Variants in CLN5 observed in about 807,000 individuals in gnomAD.
CLN5 encodes bis(monoacylglycero)phosphate synthase CLN5.
CLN5 carries 34 observed loss-of-function variants against 36.7 expected under a neutral mutation model. The ratio of observed to expected loss-of-function variants is 0.93; its 90% confidence interval spans 0.71 to 1.23. The LOEUF is 1.23. Among genes scored for constraint, CLN5 ranks in the 50% most tolerant of loss-of-function variants. The pLI is 0.00. For synonymous variants in CLN5, 151 were observed against 155.1 expected, an observed-to-expected ratio of 0.97 and a Z score of 0.20; for missense variants, 427 against 439.4, an observed-to-expected ratio of 0.97 and a Z score of 0.25.
Position 76,996,121 on chromosome 13 carries a change from A to G in CLN5, c.559A>G (p.Ile187Val). The G allele has an allele frequency of 3.1e-6, 5 of 1,611,986 alleles. No individual in the cohort carries two copies. The highest frequency in any genetic ancestry group is 4.2e-6 in the Non-Finnish European group (5 of 1,178,014). ...ENGTLVQVAT[I>V]SGNMFNQMAK... The stretch of plus-strand genomic sequence containing the variant: ...TGGGACATTAGTTCAAGTAGCAACT[A>G]TATCAGGTAAGTTGTGAAAATATAG... Residue 187 changes from isoleucine (I) to valine (V), a missense_variant, in exon 3 of 4, where the codon ATA (isoleucine) becomes GTA (valine). Coordinates refer to ENST00000377453, the MANE Select transcript of CLN5 (RefSeq NM_006493.4).
intron 2 of CLN5, 123 bp from the exon 3 acceptor site, chr13:76,995,779 A>G: frequency 2.5e-6 from 2 of 786,648 alleles, no homozygotes; most frequent in South Asian, 2.8e-5. Context: ...GCAGCATGGA[A>G]GAACAGCTGA....
rs1157006425 is a variant in CLN5, at chr13:77,004,703, A to AG, written c.*3736dup. 6.6e-6 allele frequency: 1 copy of AG among 152,162 alleles called. No homozygotes were observed. Among genetic ancestry groups the AG allele is most frequent in the Non-Finnish European group, 1.5e-5 (1 of 68,032 alleles). The allele number at this position is 152,162 out of a possible 1,614,324, so 9.4% of individuals were successfully genotyped here. Reference sequence around the variant, plus strand: ...CTAGTGTAAAAAAAAAAAATTTTAAAGGACCTAGTGGAGGCTTGAACCTTC... The same window carrying AG: ...CTAGTGTAAAAAAAAAAAATTTTAAAGGGACCTAGTGGAGGCTTGAACCTTC... On this transcript the variant is annotated 3_prime_UTR_variant, in exon 4 of 4. Coordinates refer to ENST00000377453, the MANE Select transcript of CLN5 (RefSeq NM_006493.4).
At chr13:76,994,095 A>G (rs1224135320) in intron 1 of CLN5, 3 of 152,302 alleles carry the variant, frequency 2.0e-5, no homozygotes, top group East Asian at 3.9e-4. Flanking sequence ...AATTCGTGAA[A>G]TAAGGTTTAC....
rs770756949 is a variant in CLN5, at chr13:76,992,230, C to T, written c.132C>T (p.Val44=). The T allele has an allele frequency of 6.3e-7, 1 of 1,595,002 alleles. No homozygotes were observed. Among genetic ancestry groups the T allele is most frequent in the African/African-American group, 1.3e-5 (1 of 74,554 alleles). ...WLAVVPGWSR[V]SGIPSRRHWP... ...CGGTGGTTCCGGGCTGGTCCCGGGTCTCGGGCATCCCCTCCCGGCGCCACT... is the reference window on the plus strand; with the variant it reads ...CGGTGGTTCCGGGCTGGTCCCGGGTTTCGGGCATCCCCTCCCGGCGCCACT... The change falls in exon 1 of 4, where the codon GTC becomes GTT. Residue 44 remains valine (V), a synonymous_variant. Coordinates refer to ENST00000377453, the MANE Select transcript of CLN5 (RefSeq NM_006493.4).
rs544601835 is a variant in CLN5 at position 77,004,053 on chromosome 13, A to T, written c.*3084A>T. 6.6e-6 allele frequency: 1 copy of T among 152,224 alleles called. No homozygotes were observed. Among genetic ancestry groups the T allele is most frequent in the African/African-American group, 2.4e-5 (1 of 41,452 alleles). The allele number at this position is 152,224 out of a possible 1,614,324, so 9.4% of individuals were successfully genotyped here. A position where few individuals can be genotyped will look rare whatever the true frequency, so the allele number is the denominator to read the frequency against. On this transcript the variant is annotated 3_prime_UTR_variant, in exon 4 of 4. Coordinates refer to ENST00000377453, the MANE Select transcript of CLN5 (RefSeq NM_006493.4). ...GGCACAAAATTAGTTAAGTAAGTAT[A>T]CCCACAAAGTGTCATCTAATATATT...
At position 77,000,552 on chromosome 13, in the gene CLN5, G is replaced by A. The variant is rs1357784190; in HGVS notation, c.660G>A (p.Lys220=). The A allele has an allele frequency of 3.1e-6, 5 of 1,613,970 alleles. No homozygotes were observed. The highest frequency in any genetic ancestry group is 2.7e-5 in the African/African-American group (2 of 74,896). ...ETWNVKASPE[K]GAETWFDSYD... ...GGAATGTAAAAGCCAGCCCAGAAAA[G>A]GGGGCAGAGACATGGTTTGATTCCT... Residue 220 remains lysine, a synonymous_variant, in exon 4 of 4, where the codon AAG becomes AAA. Coordinates refer to ENST00000377453, the MANE Select transcript of CLN5 (RefSeq NM_006493.4).
At chr13:76,993,569 T>C (rs757443322) in intron 1 of CLN5, 12 of 152,138 alleles carry the variant, frequency 7.9e-5, no homozygotes, top group Admixed American at 7.9e-4. Context: ...GTCTCAGATA[T>C]TAAGTACGTG....
At chr13:76,995,470 C>T (rs1047356464) in intron 2 of CLN5, 2 of 535,344 alleles carry the variant, frequency 3.7e-6, no homozygotes, top group African/African-American at 1.9e-5. Context: ...CTGTACCTAG[C>T]TCCTGGAAGG....
Position 77,001,644 on chromosome 13 carries a change from G to A in CLN5, c.*675G>A, listed in dbSNP as rs1453771421. On this transcript the variant is annotated 3_prime_UTR_variant, in exon 4 of 4. Coordinates refer to ENST00000377453, the MANE Select transcript of CLN5 (RefSeq NM_006493.4). ...TAGGATTTAGGATTGCTGTAAAGAT[G>A]TAAGTTGTGTATGTTTGGCAGGTCA... The A allele has an allele frequency of 6.6e-6, 1 of 152,248 alleles. No homozygotes were observed. The highest frequency in any genetic ancestry group is 1.5e-5 in the Non-Finnish European group (1 of 68,058). 9.4% of individuals were successfully genotyped at this position (152,248 alleles called of 1,614,324 possible). A position where few individuals can be genotyped will look rare whatever the true frequency, so the allele number is the denominator to read the frequency against.
chr13:76,996,641 T>C (rs1339010628), intron 3 of CLN5: 1 of 173,260 alleles, frequency 5.8e-6, no homozygotes, highest in Non-Finnish European at 1.2e-5. Context: ...TTCCTTTTTA[T>C]GGCTGAGTAG....
At position 77,002,459 on chromosome 13, in the gene CLN5, A is replaced by G. The variant is rs771432165; in HGVS notation, c.*1490A>G. Reference sequence around the variant, plus strand: ...AGATACTGACAGGAAGCTTTTATAAACAATTTATTGGAGTGTTTTTGTTTC... The same window carrying G: ...AGATACTGACAGGAAGCTTTTATAAGCAATTTATTGGAGTGTTTTTGTTTC... On this transcript the variant is annotated 3_prime_UTR_variant, in exon 4 of 4. Coordinates refer to ENST00000377453, the MANE Select transcript of CLN5 (RefSeq NM_006493.4). The G allele has an allele frequency of 6.6e-6, 1 of 152,202 alleles. No individual in the cohort carries two copies. The highest frequency in any genetic ancestry group is 1.5e-5 in the Non-Finnish European group (1 of 68,038). 9.4% of individuals were successfully genotyped at this position (152,202 alleles called of 1,614,324 possible).
Position 77,003,166 on chromosome 13 carries a change from G to C in CLN5, c.*2197G>C, listed in dbSNP as rs949944716. On this transcript the variant is annotated 3_prime_UTR_variant, in exon 4 of 4. Transcript: ENST00000377453. ...CTAAAATTAAAAAAAAAAAAAAAAA[G>C]CTAGGGGTGGTGGTCCATGCCTGTA... 6.8e-6 allele frequency: 1 copy of C among 146,612 alleles called. No individual in the cohort carries two copies. The highest frequency in any genetic ancestry group is 1.5e-5 in the Non-Finnish European group (1 of 67,030). The allele number at this position is 146,612 out of a possible 1,614,324, so 9.1% of individuals were successfully genotyped here.
In CLN5 at chr13:76,992,241, C is replaced by G. The variant is rs958950934; in HGVS notation, c.143C>G (p.Pro48Arg). ...GGCTGGTCCCGGGTCTCGGGCATCC[C>G]CTCCCGGCGCCACTGGCCGGTGCCC... Reference protein sequence around the residue: ...VPGWSRVSGIPSRRHWPVPYK... With the variant: ...VPGWSRVSGIRSRRHWPVPYK... Residue 48 changes from proline to arginine, a missense_variant, in exon 1 of 4, where the codon CCC becomes CGC. Coordinates refer to ENST00000377453, the MANE Select transcript of CLN5 (RefSeq NM_006493.4). 1 of 1,587,172 alleles carries G rather than the reference C, an allele frequency of 6.3e-7. No individual in the cohort carries two copies. Among genetic ancestry groups the G allele is most frequent in the Non-Finnish European group, 8.5e-7 (1 of 1,172,576 alleles).
intron 3 of CLN5, chr13:76,997,697 C>T (rs1445977883): frequency 6.6e-6 from 1 of 152,204 alleles, no homozygotes; most frequent in African/African-American, 2.4e-5. Flanking sequence ...CAAACTATTA[C>T]TCATGCAGAA....
rs1235542768 is a variant in CLN5 at position 77,004,732 on chromosome 13, A to C, written c.*3763A>C. 6.6e-6 allele frequency: 1 copy of C among 152,206 alleles called. No individual in the cohort carries two copies. Among genetic ancestry groups the C allele is most frequent in the Non-Finnish European group, 1.5e-5 (1 of 68,026 alleles). The allele number at this position is 152,206 out of a possible 1,614,324, so 9.4% of individuals were successfully genotyped here. On this transcript the variant is annotated 3_prime_UTR_variant, in exon 4 of 4. Coordinates refer to ENST00000377453, the MANE Select transcript of CLN5 (RefSeq NM_006493.4). ...CCTAGTGGAGGCTTGAACCTTCTTC[A>C]CATGAACGTCTTCCTTTCAGCCTAA...
chr13:76,992,500 T>TG (rs1251463299), intron 1 of CLN5: 4 of 585,010 alleles, frequency 6.8e-6, no homozygotes, highest in Non-Finnish European at 9.0e-6. Flanking sequence ...TCTGGTCACT[T>TG]GCGGCAGACT....
At chr13:76,995,422 C>T (rs1169358286) in intron 2 of CLN5, 194 bp downstream of exon 2, 1 of 616,960 alleles carries the variant, frequency 1.6e-6, no homozygotes, top group African/African-American at 1.8e-5. Flanking sequence ...ATGTAATCAC[C>T]ATTATCCATT....
Position 77,000,945 on chromosome 13 carries a change from A to G in CLN5, c.1053A>G (p.Arg351=). ...ATGAAGAAATCCCTTTACCTATCAG[A>G]AACAAAACACTCTCTGGTTTATAAA... is the stretch of plus-strand genomic sequence containing the variant. ...ITYEEIPLPI[R]NKTLSGL Residue 351 remains arginine, a synonymous_variant, in exon 4 of 4, where the codon AGA becomes AGG. Coordinates refer to ENST00000377453, the MANE Select transcript of CLN5 (RefSeq NM_006493.4). 1 of 1,606,022 alleles carries G rather than the reference A, an allele frequency of 6.2e-7. No homozygotes were observed. Among genetic ancestry groups the G allele is most frequent in the Non-Finnish European group, 8.5e-7 (1 of 1,176,630 alleles).
chr13:76,992,472 C>G, intron 1 of CLN5: 1 of 620,596 alleles, frequency 1.6e-6, no homozygotes, highest in Non-Finnish European at 2.8e-6. Flanking sequence ...ACGTGCAGCC[C>G]TGGGACCTTT....
Sources: gnomAD v4.1 joint callset for allele counts on GRCh38, gnomAD v4.1.1 for gene constraint, MANE v1.5 for transcripts, NCBI Gene and HGNC (gene_info 2026-07-23, HGNC 2026-07-21) for gene names.